MTHFD1L: variants seen among roughly 807,000 people sequenced by gnomAD.
MTHFD1L encodes methylenetetrahydrofolate dehydrogenase (NADP+ dependent) 1 like, also known as monofunctional C1-tetrahydrofolate synthase, mitochondrial.
In MTHFD1L, 81 loss-of-function variants were observed where a neutral mutation model predicts 119.5. The ratio of observed to expected loss-of-function variants is 0.68; its 90% confidence interval spans 0.57 to 0.82. The LOEUF is 0.82. Among genes scored for constraint, MTHFD1L ranks in the 40% least tolerant of loss-of-function variants. MTHFD1L has a pLI of 0.00. For synonymous variants in MTHFD1L, 430 were observed against 475.2 expected (o/e 0.90, Z 1.24); for missense variants, 1,125 against 1,253.4 (o/e 0.90, Z 1.55).
At chr6:151,001,534 A>G (rs1356148381) in intron 20 of MTHFD1L, among the ~76,000 whole-genome samples, 1 of 152,206 alleles carries the variant, frequency 6.6e-6, no homozygotes, top group African/African-American at 2.4e-5. Flanking sequence ...TAAAATTTGA[A>G]AAGAAAACCC....
chr6:151,101,357 T>C (rs901137218), intron 27 of MTHFD1L, among the ~76,000 whole-genome samples, 169 bp from the exon 28 acceptor site: 8 of 152,136 alleles, frequency 5.3e-5, no homozygotes, highest in African/African-American at 1.9e-4. Flanking sequence ...CCACGTCTGC[T>C]AAGTAAAATA....
chr6:151,061,529 A>G (rs893305271), intron 26 of MTHFD1L, among the ~76,000 whole-genome samples: 1 of 152,220 alleles, frequency 6.6e-6, no homozygotes, highest in Non-Finnish European at 1.5e-5. Flanking sequence ...CCACAATCCA[A>G]GTTCTCAGAC....
chr6:150,900,629 T>C (rs767375133), intron 7 of MTHFD1L, among the ~76,000 whole-genome samples: 4 of 152,164 alleles, frequency 2.6e-5, no homozygotes, highest in Non-Finnish European at 4.4e-5. Flanking sequence ...TCTAAGGCAT[T>C]CTCAATCCAG....
At chr6:151,027,945 G>A (rs1445561804) in intron 24 of MTHFD1L, among the ~76,000 whole-genome samples, 1 of 152,160 alleles carries the variant, frequency 6.6e-6, no homozygotes, top group African/African-American at 2.4e-5. Context: ...ATTCTCTTCA[G>A]GTCCCAGGAA....
intron 10 of MTHFD1L, among the ~76,000 whole-genome samples, chr6:150,923,237 A>G (rs1250575944): frequency 2.6e-5 from 4 of 152,136 alleles, no homozygotes; most frequent in African/African-American, 4.8e-5. Context: ...GGTCTGAGCT[A>G]CATATTCTAT....
At chr6:150,894,909 T>G (rs1437425449) in intron 7 of MTHFD1L, among the ~76,000 whole-genome samples, 1 of 152,188 alleles carries the variant, frequency 6.6e-6, no homozygotes, top group East Asian at 1.9e-4. Flanking sequence ...AAATTGAGAA[T>G]AAATTTCCTG....
chr6:150,891,238 G>T (rs557666851), intron 7 of MTHFD1L, among the ~76,000 whole-genome samples: 1 of 151,954 alleles, frequency 6.6e-6, no homozygotes, highest in African/African-American at 2.4e-5. Flanking sequence ...CGCCCACCTC[G>T]ACCTCCCAAA....
At chr6:150,916,146 T>C (rs1357271594) in intron 8 of MTHFD1L, among the ~76,000 whole-genome samples, 1 of 152,078 alleles carries the variant, frequency 6.6e-6, no homozygotes, top group Admixed American at 6.6e-5. Context: ...AAGAATAGAG[T>C]GATCCAAAGA....
intron 15 of MTHFD1L, among the ~76,000 whole-genome samples, chr6:150,948,272 G>A (rs932832046): frequency 6.6e-6 from 1 of 152,026 alleles, no homozygotes; most frequent in South Asian, 2.1e-4. Context: ...CTCCCAAAGC[G>A]CTGGGATTAC....
intron 26 of MTHFD1L, among the ~76,000 whole-genome samples, chr6:151,090,434 A>T (rs902609646): frequency 6.6e-6 from 1 of 152,222 alleles, no homozygotes; most frequent in African/African-American, 2.4e-5. Context: ...CAAATGCAGC[A>T]GGTCTGGGGT....
At chr6:150,912,444 T>C (rs1331603858) in intron 8 of MTHFD1L, among the ~76,000 whole-genome samples, 3 of 152,170 alleles carry the variant, frequency 2.0e-5, no homozygotes, top group Non-Finnish European at 2.9e-5. Flanking sequence ...GAATGCTTTT[T>C]TGATAAGAAG....
At chr6:150,975,897 A>G (rs1776487896) in intron 20 of MTHFD1L, among the ~76,000 whole-genome samples, 1 of 152,182 alleles carries the variant, frequency 6.6e-6, no homozygotes, top group South Asian at 2.1e-4. Flanking sequence ...GGCTGGGGAC[A>G]CGCCCTGAGC....
chr6:150,992,585 T>G (rs189603692), intron 20 of MTHFD1L, among the ~76,000 whole-genome samples: 60 of 152,286 alleles, frequency 3.9e-4, no homozygotes, highest in African/African-American at 1.4e-3. Context: ...GGTCTGTAAT[T>G]TAGGAGAGAG....
chr6:150,937,075 C>A, intron 12 of MTHFD1L, 135 bp downstream of exon 12: 1 of 1,106,988 alleles, frequency 9.0e-7, no homozygotes, highest in Non-Finnish European at 1.3e-6. Flanking sequence ...ACACTCAGTA[C>A]ATAGTGGTCG....
At chr6:151,053,631 A>T (rs1035399534) in intron 26 of MTHFD1L, among the ~76,000 whole-genome samples, 2 of 152,136 alleles carry the variant, frequency 1.3e-5, no homozygotes, top group African/African-American at 4.8e-5. Flanking sequence ...AGGCTGAGGC[A>T]GGTGGATCAC....
At chr6:151,054,231 T>C (rs1789532456) in intron 26 of MTHFD1L, among the ~76,000 whole-genome samples, 1 of 152,060 alleles carries the variant, frequency 6.6e-6, no homozygotes, top group Non-Finnish European at 1.5e-5. Flanking sequence ...AGAAAAAAAA[T>C]GATTGCTACA....
At chr6:151,054,527 C>T (rs561875724) in intron 26 of MTHFD1L, among the ~76,000 whole-genome samples, 16 of 152,322 alleles carry the variant, frequency 1.1e-4, no homozygotes, top group South Asian at 4.1e-4. Flanking sequence ...GGCCCCTCTC[C>T]GGAGTGTTAT....
At chr6:150,902,289 C>T (rs1160196599) in intron 7 of MTHFD1L, among the ~76,000 whole-genome samples, 1 of 152,134 alleles carries the variant, frequency 6.6e-6, no homozygotes, top group Non-Finnish European at 1.5e-5. Context: ...ACTGCACCCC[C>T]ACACGCTCCC....
At chr6:151,051,735 A>G (rs961026975) in intron 26 of MTHFD1L, among the ~76,000 whole-genome samples, 2 of 152,236 alleles carry the variant, frequency 1.3e-5, no homozygotes, top group African/African-American at 4.8e-5. Context: ...GCCTTTGCCA[A>G]GAGAAAGGTG....
Sources: gnomAD v4.1 joint callset for allele counts (sites outside exome capture counted in the v4.1 genomes callset) on GRCh38, gnomAD v4.1.1 for gene constraint, MANE v1.5 for transcripts, NCBI Gene and HGNC (gene_info 2026-07-23, HGNC 2026-07-21) for gene names.